Variants in VDAC1 observed in about 807,000 individuals in gnomAD.
VDAC1 encodes the protein voltage dependent anion channel 1, also known as non-selective voltage-gated ion channel VDAC1.
Under a neutral mutation model 34.7 loss-of-function variants are expected in VDAC1, and 10 were observed. The observed-to-expected ratio is 0.29, with a 90% CI of 0.18 to 0.49. The LOEUF is 0.49. Among genes scored for constraint, VDAC1 ranks in the 20% least tolerant of loss-of-function variants. The pLI, the probability that VDAC1 is intolerant of heterozygous loss-of-function variation, is 0.99. For synonymous variants in VDAC1, 130 were observed against 136.0 expected, an observed-to-expected ratio of 0.96 and a Z score of 0.30; for missense variants, 230 against 347.9, an observed-to-expected ratio of 0.66 and a Z score of 2.69.
the VDAC1 span, among the ~76,000 whole-genome samples, chr5:134,019,007 T>A: frequency 6.6e-6 from 1 of 152,138 alleles, no homozygotes; most frequent in Non-Finnish European, 1.5e-5. Context: ...GAACCCTCCT[T>A]GACTCTGCCC....
the VDAC1 span, among the ~76,000 whole-genome samples, chr5:134,065,486 G>A: frequency 4.0e-5 from 6 of 149,676 alleles, no homozygotes; most frequent in East Asian, 4.0e-4. Flanking sequence ...GACTACAAGC[G>A]TGCGCCACCA....
the VDAC1 span, among the ~76,000 whole-genome samples, chr5:134,034,355 AT>A: frequency 8.5e-5 from 13 of 152,262 alleles, no homozygotes; most frequent in Admixed American, 3.3e-4. Flanking sequence ...TGGAGACAGG[AT>A]TTTCACAGAT....
intron 1 of VDAC1, among the ~76,000 whole-genome samples, chr5:133,997,778 C>T (rs532499569): frequency 1.1e-4 from 16 of 141,322 alleles, no homozygotes; most frequent in African/African-American, 3.7e-4. Context: ...TATGAAGCTA[C>T]GATAGCCGTG....
At chr5:134,041,594 G>A in the VDAC1 span, among the ~76,000 whole-genome samples, 20 of 152,222 alleles carry the variant, frequency 1.3e-4, no homozygotes, top group Non-Finnish European at 2.5e-4. Flanking sequence ...CAGTGGGGAT[G>A]GGAAAGATGG....
the VDAC1 span, among the ~76,000 whole-genome samples, chr5:134,072,471 C>T: frequency 6.6e-6 from 1 of 152,216 alleles, no homozygotes; most frequent in African/African-American, 2.4e-5. Flanking sequence ...AACAGAGGAA[C>T]CTGCAGTTGA....
At chr5:134,059,745 C>A in the VDAC1 span, among the ~76,000 whole-genome samples, 1 of 151,878 alleles carries the variant, frequency 6.6e-6, no homozygotes, top group South Asian at 2.1e-4. Context: ...AATCCTGCCC[C>A]CAACAAAATT....
At chr5:133,977,419 A>T (rs1580708301) in intron 6 of VDAC1, among the ~76,000 whole-genome samples, 2 of 152,196 alleles carry the variant, frequency 1.3e-5, no homozygotes, top group East Asian at 3.8e-4. Context: ...TCTTACAAAC[A>T]CACTGAATGA....
chr5:134,106,738 G>T, the VDAC1 span, among the ~76,000 whole-genome samples: 21 of 152,210 alleles, frequency 1.4e-4, no homozygotes, highest in African/African-American at 4.6e-4. Flanking sequence ...TACCAAAGAG[G>T]GTAAGTGACA....
intron 5 of VDAC1, among the ~76,000 whole-genome samples, chr5:133,986,859 A>G (rs2126952706): frequency 6.6e-6 from 1 of 152,356 alleles, no homozygotes; most frequent in African/African-American, 2.4e-5. Flanking sequence ...AAAAGCACAC[A>G]GAGTGTATTC....
the VDAC1 span, among the ~76,000 whole-genome samples, chr5:134,096,109 C>A: frequency 1.3e-5 from 2 of 152,246 alleles, no homozygotes; most frequent in African/African-American, 4.8e-5. Context: ...TTCACTGAAA[C>A]TGCAAGGAAG....
intron 1 of VDAC1, 163 bp downstream of exon 1, chr5:134,004,732 G>C (rs1035128520): frequency 3.3e-5 from 5 of 150,774 alleles, no homozygotes; most frequent in Non-Finnish European, 5.9e-5. Flanking sequence ...GAGCGGAGCC[G>C]AGCGAGCGGC....
chr5:133,984,419 CGTGTGTGTGTGTGTGTGTGTGTGTGTGT>C (rs70976506), intron 5 of VDAC1, among the ~76,000 whole-genome samples: 6 of 121,938 alleles, frequency 4.9e-5, no homozygotes, highest in African/African-American at 1.3e-4. Flanking sequence ...CAATGACCAG[CGTGTGTGTGTGTGTGTGTGTGTGTGTGT>C]GTGTGTGTGT....
At chr5:133,996,199 T>C (rs1753298861) in intron 1 of VDAC1, among the ~76,000 whole-genome samples, 1 of 152,098 alleles carries the variant, frequency 6.6e-6, no homozygotes, top group African/African-American at 2.4e-5. Context: ...TTCCCACTGG[T>C]TGGTAGGAAA....
the VDAC1 span, among the ~76,000 whole-genome samples, chr5:134,103,820 G>A: frequency 1.3e-5 from 2 of 152,232 alleles, no homozygotes; most frequent in Non-Finnish European, 2.9e-5. Flanking sequence ...AGGAGCGGGG[G>A]CAAAAAGCCT....
chr5:134,001,486 G>A (rs1753550732), intron 1 of VDAC1, among the ~76,000 whole-genome samples: 1 of 152,106 alleles, frequency 6.6e-6, no homozygotes, highest in African/African-American at 2.4e-5. Context: ...GGAGGCCGAG[G>A]CGGGTGGATC....
the VDAC1 span, among the ~76,000 whole-genome samples, chr5:134,017,520 G>A: frequency 6.6e-6 from 1 of 152,142 alleles, no homozygotes; most frequent in Non-Finnish European, 1.5e-5. Flanking sequence ...CGTGAGGGCA[G>A]GGACCAGCTC....
the VDAC1 span, among the ~76,000 whole-genome samples, chr5:134,022,495 C>A: frequency 6.6e-6 from 1 of 152,150 alleles, no homozygotes; most frequent in Non-Finnish European, 1.5e-5. Flanking sequence ...AGGAGGCCAA[C>A]CCATTTCCCA....
At chr5:134,047,067 A>G in the VDAC1 span, among the ~76,000 whole-genome samples, 1 of 152,176 alleles carries the variant, frequency 6.6e-6, no homozygotes, top group Non-Finnish European at 1.5e-5. Flanking sequence ...TCGGACTATC[A>G]GGGCTGGTAA....
the VDAC1 span, among the ~76,000 whole-genome samples, chr5:134,073,366 T>A: frequency 6.6e-6 from 1 of 152,184 alleles, no homozygotes; most frequent in Non-Finnish European, 1.5e-5. Flanking sequence ...TCAGGCCTCA[T>A]CCCAGTCCTC....
Sources: gnomAD v4.1 joint callset for allele counts (sites outside exome capture counted in the v4.1 genomes callset) on GRCh38, gnomAD v4.1.1 for gene constraint, MANE v1.5 for transcripts, NCBI Gene and HGNC (gene_info 2026-07-23, HGNC 2026-07-21) for gene names.